Variants in TASP1 observed in about 807,000 individuals in gnomAD.
TASP1 encodes the protein threonine aspartase 1.
A neutral mutation model predicts 56.6 loss-of-function variants in TASP1; 16 were observed. The ratio of observed to expected loss-of-function variants is 0.28; its 90% CI spans 0.19 to 0.43. The LOEUF (loss-of-function observed/expected upper bound fraction) is 0.43, where lower values mean the gene tolerates loss of function less well. TASP1 is among the 20% of genes least tolerant of loss of function. TASP1 has a pLI of 1.00. For synonymous variants in TASP1, 179 were observed against 184.2 expected, an observed-to-expected ratio of 0.97 and a Z score of 0.23; for missense variants, 393 against 511.6, an observed-to-expected ratio of 0.77 and a Z score of 2.24.
the TASP1 span, among the ~76,000 whole-genome samples, chr20:13,219,016 T>G: frequency 6.6e-6 from 1 of 152,228 alleles, no homozygotes; most frequent in African/African-American, 2.4e-5. Context: ...ATTGCAAAGG[T>G]TTCTTTCCAG....
chr20:13,396,478 G>A (rs752285411), intron 13 of TASP1, among the ~76,000 whole-genome samples: 3 of 152,124 alleles, frequency 2.0e-5, no homozygotes, highest in Non-Finnish European at 2.9e-5. Context: ...CACTTACTAA[G>A]CCTGTGTGAT....
chr20:13,221,249 C>CCTCCTTCTCCTT, the TASP1 span, among the ~76,000 whole-genome samples: 5 of 144,336 alleles, frequency 3.5e-5, no homozygotes, highest in Non-Finnish European at 7.7e-5. Flanking sequence ...TCCTCCTCCT[C>CCTCCTTCTCCTT]CTCCTCCTCC....
At position 13,479,073 on chromosome 20, in the gene TASP1, A is replaced by G. The variant is rs188889222; in HGVS notation, c.985+4154T>C. On this transcript the variant is annotated intron_variant, in intron 11 of 13. Coordinates refer to ENST00000337743, the MANE Select transcript of TASP1 (RefSeq NM_017714.3). ...TAATTTTTAAAATGATGGAAGAAAG[A>G]AAGAAAAGGGAGGATGGCAGGAAAG... Among the ~76,000 whole-genome samples the G allele has an allele frequency of 8.7e-3, 1,328 of 152,258 alleles. 22 individuals are homozygous for G. The highest frequency in any genetic ancestry group is 0.027 in the Admixed American group (411 of 15,282).
chr20:13,474,693 T>A (rs1037639814), intron 11 of TASP1, among the ~76,000 whole-genome samples: 1 of 152,224 alleles, frequency 6.6e-6, no homozygotes, highest in Non-Finnish European at 1.5e-5. Context: ...TATTTTTAGA[T>A]CTTTAAGGAA....
In TASP1 at chr20:13,523,028, T is replaced by C. The variant is rs75569659; in HGVS notation, c.874+5405A>G. On this transcript the variant is annotated intron_variant, in intron 10 of 13. Transcript: ENST00000337743. ...ATGACTTTAGAGGTAATTGTTAATC[T>C]TGACAAGAACAGATTGGTGGCGTGG... 1.3e-3 allele frequency among the ~76,000 whole-genome samples: 192 copies of C among 152,222 alleles called. 2 individuals carry two copies. The East Asian group carries it at 0.032, about 25-fold the overall frequency.
chr20:13,194,533 T>G, the TASP1 span, among the ~76,000 whole-genome samples: 66 of 143,742 alleles, frequency 4.6e-4, no homozygotes, highest in African/African-American at 1.5e-3. Flanking sequence ...GTCAATAATG[T>G]CACCAAGAAA....
chr20:13,307,087 T>G, the TASP1 span, among the ~76,000 whole-genome samples: 1 of 152,186 alleles, frequency 6.6e-6, no homozygotes, highest in Non-Finnish European at 1.5e-5. Flanking sequence ...TTGTTCACAC[T>G]ACTCACCAGC....
At chr20:13,566,294 A>G (rs900652951) in intron 7 of TASP1, among the ~76,000 whole-genome samples, 5 of 152,198 alleles carry the variant, frequency 3.3e-5, no homozygotes, top group African/African-American at 9.6e-5. Context: ...ACTGAACTAT[A>G]CCATTAAAAA....
chr20:13,155,398 G>C, the TASP1 span, among the ~76,000 whole-genome samples: 2 of 152,154 alleles, frequency 1.3e-5, no homozygotes, highest in Non-Finnish European at 2.9e-5. Context: ...GTATTGAAAA[G>C]TACCAATAAA....
chr20:13,446,729 A>T (rs938596917), intron 11 of TASP1, among the ~76,000 whole-genome samples: 1 of 152,168 alleles, frequency 6.6e-6, no homozygotes, highest in Admixed American at 6.6e-5. Flanking sequence ...ATCCTTTCTG[A>T]AATTATCCAT....
chr20:13,552,818 T>C (rs1211825805), intron 8 of TASP1, among the ~76,000 whole-genome samples: 1 of 152,258 alleles, frequency 6.6e-6, no homozygotes, highest in African/African-American at 2.4e-5. Context: ...TTAATGTTTC[T>C]AAATGCTTTA....
the TASP1 span, among the ~76,000 whole-genome samples, chr20:13,122,197 A>G: frequency 6.6e-6 from 1 of 152,184 alleles, no homozygotes; most frequent in Non-Finnish European, 1.5e-5. Flanking sequence ...ACCACTATGG[A>G]TTTTAAAAGA....
chr20:13,129,055 T>C, the TASP1 span, among the ~76,000 whole-genome samples: 43 of 152,064 alleles, frequency 2.8e-4, 2 homozygotes, highest in East Asian at 8.3e-3. Context: ...TTTGTATTTT[T>C]AGTAGAGATG....
At chr20:13,211,990 C>T in the TASP1 span, among the ~76,000 whole-genome samples, 167 of 152,274 alleles carry the variant, frequency 1.1e-3, 2 homozygotes, top group East Asian at 0.019. Flanking sequence ...TCTAGTCCCC[C>T]TATGACACTA....
the TASP1 span, chr20:13,167,337 C>T: frequency 1.4e-5 from 2 of 145,624 alleles, no homozygotes; most frequent in African/African-American, 2.5e-5. Flanking sequence ...TCTACATCAC[C>T]GCCCCGACCT....
chr20:13,634,141 G>C (rs1024236199), intron 1 of TASP1, among the ~76,000 whole-genome samples: 9 of 151,978 alleles, frequency 5.9e-5, no homozygotes, highest in African/African-American at 2.2e-4. Flanking sequence ...CAACCCAAAG[G>C]TCCATCAACT....
At chr20:13,472,613 A>T (rs555612743) in intron 11 of TASP1, among the ~76,000 whole-genome samples, 5 of 151,212 alleles carry the variant, frequency 3.3e-5, no homozygotes, top group Non-Finnish European at 7.4e-5. Flanking sequence ...TCCAGAATCT[A>T]CAAAGAACTT....
At chr20:13,637,917 G>A (rs959121109) in intron 1 of TASP1, among the ~76,000 whole-genome samples, 2 of 152,180 alleles carry the variant, frequency 1.3e-5, no homozygotes, top group African/African-American at 4.8e-5. Context: ...ACTTTCTCAA[G>A]AGGAAAAAAG....
At chr20:13,313,644 T>C in the TASP1 span, among the ~76,000 whole-genome samples, 1 of 152,234 alleles carries the variant, frequency 6.6e-6, no homozygotes, top group African/African-American at 2.4e-5. Context: ...TCTACATTTC[T>C]TCTTTTAACA....
Sources: gnomAD v4.1 joint callset for allele counts (sites outside exome capture counted in the v4.1 genomes callset) on GRCh38, gnomAD v4.1.1 for gene constraint, MANE v1.5 for transcripts, NCBI Gene and HGNC (gene_info 2026-07-23, HGNC 2026-07-21) for gene names.